Variants in MAP3K13 observed in about 807,000 individuals in gnomAD.
MAP3K13 encodes leucine zipper-bearing kinase.
A neutral mutation model predicts 104.0 loss-of-function variants in MAP3K13; 52 were observed. That is an observed-to-expected ratio of 0.50 (90% CI 0.40 to 0.63). The LOEUF is 0.63. MAP3K13 is among the 20% of genes least tolerant of loss of function. The pLI, the probability that MAP3K13 is intolerant of heterozygous loss-of-function variation, is 0.00. For synonymous variants in MAP3K13, 394 were observed against 442.2 expected (o/e 0.89, Z 1.37); for missense variants, 914 against 1,218.5 (o/e 0.75, Z 3.72).
intron 2 of MAP3K13, among the ~76,000 whole-genome samples, chr3:185,352,921 C>T (rs2108732756): frequency 6.6e-6 from 1 of 152,338 alleles, no homozygotes; most frequent in East Asian, 1.9e-4. Flanking sequence ...TGATTCAGGG[C>T]AGGTTGCTGC....
At position 185,463,663 on chromosome 3, in the gene MAP3K13, A is replaced by T. The variant is rs770049685; in HGVS notation, c.1388+4A>T. On this transcript the variant is annotated splice_donor_region_variant and intron_variant, in intron 8 of 13. Coordinates refer to ENST00000265026, the MANE Select transcript of MAP3K13 (RefSeq NM_004721.5). ...GAAGGCGCAGAGAAGAGCTCAGGTCAGCTCATCCCTCCTTCCCCACCTCCC... is the reference window on the plus strand; with the variant it reads ...GAAGGCGCAGAGAAGAGCTCAGGTCTGCTCATCCCTCCTTCCCCACCTCCC... 53 of 1,577,760 alleles carry T rather than the reference A, an allele frequency of 3.4e-5. 1 individual carries two copies. In the South Asian group the frequency reaches 5.7e-4, roughly 17 times the overall value.
At chr3:185,474,772 G>A (rs754518084) in intron 11 of MAP3K13, among the ~76,000 whole-genome samples, 6 of 152,094 alleles carry the variant, frequency 3.9e-5, no homozygotes, top group Non-Finnish European at 5.9e-5. Flanking sequence ...TTAAGAGCAT[G>A]AGCCTAGGAG....
intron 1 of MAP3K13, among the ~76,000 whole-genome samples, chr3:185,412,133 G>A (rs1014636001): frequency 6.6e-6 from 1 of 151,586 alleles, no homozygotes; most frequent in African/African-American, 2.4e-5. Flanking sequence ...TTGTATTGAG[G>A]GACTACATAT....
chr3:185,361,332 A>G (rs543794901), upstream of MAP3K13, among the ~76,000 whole-genome samples: 3 of 150,140 alleles, frequency 2.0e-5, no homozygotes, highest in East Asian at 2.0e-4. Context: ...ATGTATCCTG[A>G]TTGGCTTTGG....
At chr3:185,329,274 G>C in intron 2 of MAP3K13, 1 of 702,986 alleles carries the variant, frequency 1.4e-6, no homozygotes. Flanking sequence ...AGTGCCGAGA[G>C]ATTGTTTCTA....
At chr3:185,284,114 G>A (rs990536525) in intron 1 of MAP3K13, among the ~76,000 whole-genome samples, 1 of 151,394 alleles carries the variant, frequency 6.6e-6, no homozygotes, top group African/African-American at 2.4e-5. Context: ...CTGGGATTAC[G>A]GGCGTGAACC....
At chr3:185,364,364 G>T (rs1054474117) in intron 1 of MAP3K13, among the ~76,000 whole-genome samples, 1 of 152,092 alleles carries the variant, frequency 6.6e-6, no homozygotes, top group African/African-American at 2.4e-5. Flanking sequence ...TCCTCAACCC[G>T]AATAATCTGA....
At chr3:185,327,243 C>A (rs1229829340) in intron 2 of MAP3K13, among the ~76,000 whole-genome samples, 1 of 152,186 alleles carries the variant, frequency 6.6e-6, no homozygotes, top group African/African-American at 2.4e-5. Context: ...CTGACCACAG[C>A]TGGGAGGGAA....
intron 2 of MAP3K13, among the ~76,000 whole-genome samples, chr3:185,299,018 T>G (rs748278502): frequency 5.3e-5 from 8 of 152,242 alleles, no homozygotes. Flanking sequence ...TTAATAACCC[T>G]TGGAATCATC....
At chr3:185,463,285 T>C (rs948366705) in intron 7 of MAP3K13, among the ~76,000 whole-genome samples, 2 of 152,220 alleles carry the variant, frequency 1.3e-5, no homozygotes, top group African/African-American at 4.8e-5. Context: ...CCGGCTGTGA[T>C]GTTCCTCATA....
chr3:185,294,328 G>A (rs1055534684), intron 2 of MAP3K13, among the ~76,000 whole-genome samples: 1 of 152,156 alleles, frequency 6.6e-6, no homozygotes, highest in East Asian at 1.9e-4. Context: ...GTGAACAATA[G>A]GGCATGGTTG....
chr3:185,298,635 C>T (rs546397339), intron 2 of MAP3K13, among the ~76,000 whole-genome samples: 4 of 152,134 alleles, frequency 2.6e-5, no homozygotes, highest in African/African-American at 9.6e-5. Context: ...TGATGAGTAA[C>T]GGGAGAAAAC....
At chr3:185,344,219 T>C (rs1177078539) in intron 2 of MAP3K13, among the ~76,000 whole-genome samples, 1 of 152,170 alleles carries the variant, frequency 6.6e-6, no homozygotes, top group Non-Finnish European at 1.5e-5. Flanking sequence ...ATGTGCCTAG[T>C]ATCTGCTAGT....
At chr3:185,347,703 A>C (rs888067716) in intron 2 of MAP3K13, among the ~76,000 whole-genome samples, 1 of 152,142 alleles carries the variant, frequency 6.6e-6, no homozygotes, top group African/African-American at 2.4e-5. Context: ...CTTGTAATGG[A>C]GGCGATTTCA....
In MAP3K13 at chr3:185,455,738, GAT is replaced by G. The variant is rs869054997; in HGVS notation, c.1278+4352_1278+4353del. Among the ~76,000 whole-genome samples the G allele has an allele frequency of 1.4e-3, 18 of 12,604 alleles. No individual in the cohort carries two copies. The South Asian group carries it at 0.036, about 25-fold the overall frequency. 8.3% of individuals were successfully genotyped at this position (12,604 alleles called of 152,430 possible). On this transcript the variant is annotated intron_variant, in intron 7 of 13. Transcript: ENST00000265026. ...TGAGATATATATGATATATATATGA[GAT>G]ATATATATGATATATATATGAGATA... is the stretch of plus-strand genomic sequence containing the variant.
At chr3:185,393,039 G>A (rs1217465768) in intron 1 of MAP3K13, among the ~76,000 whole-genome samples, 2 of 151,928 alleles carry the variant, frequency 1.3e-5, no homozygotes, top group Non-Finnish European at 2.9e-5. Context: ...GTGATGGAGT[G>A]AGACTCCATC....
chr3:185,406,169 C>T (rs938421050), intron 1 of MAP3K13, among the ~76,000 whole-genome samples: 6 of 152,146 alleles, frequency 3.9e-5, no homozygotes, highest in African/African-American at 1.4e-4. Flanking sequence ...GGAAAAATTA[C>T]CTAAAACAGT....
chr3:185,374,467 A>C (rs1384167277), intron 1 of MAP3K13, among the ~76,000 whole-genome samples: 1 of 152,190 alleles, frequency 6.6e-6, no homozygotes, highest in Non-Finnish European at 1.5e-5. Flanking sequence ...TTTGTCATAT[A>C]GAATGATTGC....
At position 185,393,926 on chromosome 3, in the gene MAP3K13, A is replaced by C. The variant is rs149578598; in HGVS notation, c.-86+30558A>C. Among the ~76,000 whole-genome samples the C allele has an allele frequency of 2.6e-3, 401 of 152,184 alleles. 1 individual carries two copies. Among genetic ancestry groups the C allele is most frequent in the African/African-American group, 9.4e-3 (389 of 41,496 alleles). On this transcript the variant is annotated intron_variant, in intron 1 of 13. Coordinates refer to ENST00000265026, the MANE Select transcript of MAP3K13 (RefSeq NM_004721.5). ...TCCCTGACAAGAAGATATCAGCAAG[A>C]TTTTGGTGATTAATTGGATGTGATG...
Sources: gnomAD v4.1 joint callset for allele counts (sites outside exome capture counted in the v4.1 genomes callset) on GRCh38, gnomAD v4.1.1 for gene constraint, MANE v1.5 for transcripts, NCBI Gene and HGNC (gene_info 2026-07-23, HGNC 2026-07-21) for gene names.